KCNQ3: variants seen among roughly 807,000 people sequenced by gnomAD.
The protein encoded by KCNQ3 is potassium voltage-gated channel subfamily Q member 3.
In KCNQ3, 30 loss-of-function variants were observed where a neutral mutation model predicts 92.5. That is an observed-to-expected ratio of 0.32 (90% CI 0.24 to 0.44). The LOEUF is 0.44. Ranked by LOEUF, KCNQ3 falls within the 20% of genes least tolerant of loss-of-function variation. The probability of loss-of-function intolerance (pLI) is 1.00; values close to 1 mark genes in which losing one functional copy is unlikely to be tolerated. For missense variants in KCNQ3, 913 were observed against 1,140.3 expected, an observed-to-expected ratio of 0.80 and a Z score of 2.87; for synonymous variants, 450 against 468.8, an observed-to-expected ratio of 0.96 and a Z score of 0.52.
At chr8:132,176,630 C>A (rs919020227) in intron 4 of KCNQ3, among the ~76,000 whole-genome samples, 3 of 152,194 alleles carry the variant, frequency 2.0e-5, no homozygotes, top group African/African-American at 7.2e-5. Flanking sequence ...TGCTTCCTGC[C>A]TCCCTGCAGG....
rs1454725526 is a variant in KCNQ3, at chr8:132,126,391, C to A, written c.*2871G>T. 6.6e-6 allele frequency: 1 copy of A among 152,076 alleles called. No homozygotes were observed. The highest frequency in any genetic ancestry group is 1.5e-5 in the Non-Finnish European group (1 of 68,036). The allele number at this position is 152,076 out of a possible 1,614,324, so 9.4% of individuals were successfully genotyped here. On this transcript the variant is annotated 3_prime_UTR_variant, in exon 15 of 15. Transcript: ENST00000388996. ...TGAATTTCTGCTTGCTCACTGTGAG[C>A]CATATTGTTGAGATTGTCTGTGCAT...
At chr8:132,239,095 TG>T (rs1361452254) in intron 1 of KCNQ3, among the ~76,000 whole-genome samples, 5 of 152,318 alleles carry the variant, frequency 3.3e-5, no homozygotes, top group Non-Finnish European at 7.4e-5. Context: ...AAGAAATTCC[TG>T]GGCCCCTTAA....
rs1816299201 is a variant in KCNQ3 at position 132,275,576 on chromosome 8, GA to G, written c.387-89396del. 1.5e-4 allele frequency among the ~76,000 whole-genome samples: 19 copies of G among 130,312 alleles called. No homozygotes were observed. The Admixed American group carries it at 1.6e-3, about 11-fold the overall frequency. The allele number at this position is 130,312 out of a possible 152,430, so 85.5% of individuals were successfully genotyped here. A position where few individuals can be genotyped will look rare whatever the true frequency, so the allele number is the denominator to read the frequency against. On this transcript the variant is annotated intron_variant, in intron 1 of 14. Transcript: ENST00000388996. ...TCATGGGATTTTTATGAGCACCAGT[GA>G]AACCTTTTTTTTTTTTTTTAGACAG...
intron 1 of KCNQ3, among the ~76,000 whole-genome samples, chr8:132,352,288 C>T: frequency 6.6e-6 from 1 of 152,160 alleles, no homozygotes. Context: ...TCTTGACCCC[C>T]CAAGGAGCAT....
chr8:132,465,866 T>G (rs1822160785), intron 1 of KCNQ3, among the ~76,000 whole-genome samples: 1 of 152,272 alleles, frequency 6.6e-6, no homozygotes, highest in South Asian at 2.1e-4. Flanking sequence ...GGGCCATGAT[T>G]GCACCACTGG....
intron 9 of KCNQ3, among the ~76,000 whole-genome samples, chr8:132,146,900 C>T (rs575086477): frequency 1.5e-4 from 23 of 151,550 alleles, no homozygotes; most frequent in South Asian, 6.2e-4. Context: ...TCAGGTGATA[C>T]GCCCGCCTCG....
At chr8:132,430,929 G>A (rs997883906) in intron 1 of KCNQ3, among the ~76,000 whole-genome samples, 4 of 152,210 alleles carry the variant, frequency 2.6e-5, no homozygotes, top group African/African-American at 4.8e-5. Context: ...TTCCTCAAGC[G>A]TCCATATCCT....
rs75377066 is a variant in KCNQ3 at position 132,353,976 on chromosome 8, A to G, written c.386+126171T>C. On this transcript the variant is annotated intron_variant, in intron 1 of 14. Transcript: ENST00000388996. ...ATGAGTGTGTGTTCCCTACTTGTCT[A>G]CTAAAAAGGGAAAGAAGCCCTGAGC... 5.0e-3 allele frequency among the ~76,000 whole-genome samples: 757 copies of G among 152,330 alleles called. 8 individuals carry two copies. The highest frequency in any genetic ancestry group is 0.018 in the African/African-American group (733 of 41,574).
At chr8:132,186,927 T>TGA (rs1259312197) in intron 1 of KCNQ3, among the ~76,000 whole-genome samples, 25 of 85,150 alleles carry the variant, frequency 2.9e-4, no homozygotes, top group African/African-American at 1.1e-3. Flanking sequence ...TGTGTGTGTG[T>TGA]GTGTGTGAGA....
chr8:132,405,340 GC>G, intron 1 of KCNQ3, among the ~76,000 whole-genome samples: 1 of 152,342 alleles, frequency 6.6e-6, no homozygotes, highest in East Asian at 1.9e-4. Context: ...ACAAAAAACA[GC>G]TCCTGGATTT....
intron 1 of KCNQ3, among the ~76,000 whole-genome samples, chr8:132,287,734 T>TATCCATATATTTTACACTG (rs1816718432): frequency 6.6e-6 from 1 of 152,188 alleles, no homozygotes; most frequent in South Asian, 2.1e-4. Flanking sequence ...ATATCTGGAA[T>TATCCATATATTTTACACTG]AGAAAAATTC....
chr8:132,311,381 C>CT (rs10647554), intron 1 of KCNQ3, among the ~76,000 whole-genome samples: 13 of 152,332 alleles, frequency 8.5e-5, no homozygotes, highest in South Asian at 6.2e-4. Flanking sequence ...GAGATTGTCC[C>CT]GTTTACTAAT....
rs557450971 is a variant in KCNQ3 at position 132,258,834 on chromosome 8, C to G, written c.387-72653G>C. On this transcript the variant is annotated intron_variant, in intron 1 of 14. Transcript: ENST00000388996. ...TGAAATAGAGAACATTACTAGTGGT[C>G]TTAAAGAAATAAAGAGAATTATAAG... Among the ~76,000 whole-genome samples, 7 of 151,816 alleles carry G rather than the reference C, an allele frequency of 4.6e-5. No individual in the cohort carries two copies. In the South Asian group the frequency reaches 1.5e-3, roughly 32 times the overall value.
At position 132,129,579 on chromosome 8, in the gene KCNQ3, C is replaced by T. The variant is rs764649595; in HGVS notation, c.2302G>A (p.Gly768Ser). ...VSCHSQADLQ[G>S]PYSDRISPRQ... Reference sequence around the variant, plus strand: ...GGGGAGATTCGGTCCGAGTAGGGGCCCTGCAGGTCAGCCTGGGAGTGGCAG... The same window carrying T: ...GGGGAGATTCGGTCCGAGTAGGGGCTCTGCAGGTCAGCCTGGGAGTGGCAG... The change falls in exon 15 of 15, where the codon GGC becomes AGC. Residue 768 changes from glycine (G) to serine (S), a missense_variant. Around this residue, in one of 6 missense-constraint regions of KCNQ3, gnomAD observed 375 missense variants for 376.4 expected, o/e 1.00. Coordinates refer to ENST00000388996, the MANE Select transcript of KCNQ3 (RefSeq NM_004519.4). This position sits in a 1 kb window ranked among gnomAD's most constrained non-coding sequence, Gnocchi z 5.9. The T allele has an allele frequency of 2.5e-6, 4 of 1,614,160 alleles. No individual in the cohort carries two copies. Among genetic ancestry groups the T allele is most frequent in the Non-Finnish European group, 2.5e-6 (3 of 1,180,028 alleles).
At chr8:132,234,552 A>G (rs868431425) in intron 1 of KCNQ3, among the ~76,000 whole-genome samples, 8 of 152,072 alleles carry the variant, frequency 5.3e-5, no homozygotes, top group Non-Finnish European at 1.0e-4. Context: ...AAAACAGAAG[A>G]AAAACAAAGT....
chr8:132,204,599 T>G (rs146092177), intron 1 of KCNQ3, among the ~76,000 whole-genome samples: 11 of 152,288 alleles, frequency 7.2e-5, no homozygotes, highest in Non-Finnish European at 1.3e-4. Flanking sequence ...TCCTCCACCC[T>G]TCATACACAC....
intron 8 of KCNQ3, among the ~76,000 whole-genome samples, chr8:132,163,881 T>C (rs1010170266): frequency 3.9e-5 from 6 of 152,212 alleles, no homozygotes; most frequent in South Asian, 2.1e-4. Flanking sequence ...ACTTTGTCAC[T>C]ACCATTGTCA....
intron 1 of KCNQ3, among the ~76,000 whole-genome samples, chr8:132,421,560 G>C (rs1341815330): frequency 6.6e-6 from 1 of 152,154 alleles, no homozygotes; most frequent in Non-Finnish European, 1.5e-5. Context: ...GAACAAAATG[G>C]GGGATTCACT....
intron 12 of KCNQ3, among the ~76,000 whole-genome samples, chr8:132,136,715 TATAG>T (rs1292217618): frequency 2.2e-4 from 33 of 152,226 alleles, no homozygotes; most frequent in African/African-American, 7.7e-4. Flanking sequence ...ACATATGCAC[TATAG>T]ATATATACAT....
Sources: gnomAD v4.1 joint callset for allele counts (sites outside exome capture counted in the v4.1 genomes callset) on GRCh38, gnomAD v4.1.1 for gene constraint, gnomAD v4.1.1 regional missense constraint, Gnocchi (gnomAD v3.1) non-coding constraint, MANE v1.5 for transcripts, NCBI Gene and HGNC (gene_info 2026-07-23, HGNC 2026-07-21) for gene names.